Variants in MGRN1 observed in about 807,000 individuals in gnomAD.
MGRN1 encodes the protein E3 ubiquitin-protein ligase MGRN1.
MGRN1 carries 29 observed loss-of-function variants against 69.2 expected under a neutral mutation model. That is an observed-to-expected ratio of 0.42 (90% confidence interval 0.31 to 0.57). MGRN1 has a LOEUF of 0.57. Ranked by LOEUF, MGRN1 falls within the 20% of genes least tolerant of loss-of-function variation. The probability of loss-of-function intolerance (pLI) is 0.15; values close to 1 mark genes in which losing one functional copy is unlikely to be tolerated. For missense variants in MGRN1, 998 were observed against 796.2 expected (o/e 1.25, Z -3.05); for synonymous variants, 470 against 344.2 (o/e 1.37, Z -4.04).
chr16:4,665,672 T>TC (rs1164516361), intron 7 of MGRN1, among the ~76,000 whole-genome samples: 1 of 148,430 alleles, frequency 6.7e-6, no homozygotes, highest in Non-Finnish European at 1.5e-5. Context: ...CCGGCCTTTT[T>TC]TTTTTTTTTT....
intron 2 of MGRN1, chr16:4,651,240 T>C (rs1318817561): frequency 1.3e-5 from 2 of 152,214 alleles, no homozygotes; most frequent in Admixed American, 6.5e-5. Context: ...AGTACTGTCA[T>C]AGTACTCGAG....
intron 13 of MGRN1, 48 bp downstream of exon 13, chr16:4,681,824 C>G: frequency 1.9e-6 from 3 of 1,548,616 alleles, no homozygotes; most frequent in Non-Finnish European, 2.6e-6. Flanking sequence ...TGGTGGCGCG[C>G]GTGCGGAGCG....
intron 11 of MGRN1, among the ~76,000 whole-genome samples, chr16:4,679,523 C>T (rs1262125138): frequency 2.0e-5 from 3 of 152,014 alleles, no homozygotes; most frequent in African/African-American, 7.2e-5. Flanking sequence ...GGTGTTCTCT[C>T]CAGCGAGTGC....
chr16:4,687,807 C>G, intron 16 of MGRN1: 2 of 985,460 alleles, frequency 2.0e-6, no homozygotes, highest in Non-Finnish European at 2.4e-6. Context: ...GGACTTGAGC[C>G]GGGTCAGGGA....
chr16:4,634,216 C>G (rs1427680946), intron 1 of MGRN1: 1 of 152,360 alleles, frequency 6.6e-6, no homozygotes, highest in East Asian at 1.9e-4. Flanking sequence ...CTCTGATTCC[C>G]TGGGCCCCTT....
chr16:4,678,999 C>G (rs2079116429), intron 11 of MGRN1, among the ~76,000 whole-genome samples: 1 of 152,244 alleles, frequency 6.6e-6, no homozygotes, highest in Non-Finnish European at 1.5e-5. Context: ...CTTTTAAAAT[C>G]TGACATGGTC....
At chr16:4,679,498 G>GA (rs1260289049) in intron 11 of MGRN1, among the ~76,000 whole-genome samples, 1 of 142,912 alleles carries the variant, frequency 7.0e-6, no homozygotes, top group Non-Finnish European at 1.5e-5. Context: ...CGTAGTGACA[G>GA]AAAGAGCCAC....
intron 1 of MGRN1, among the ~76,000 whole-genome samples, chr16:4,631,233 C>G (rs1402770016): frequency 6.6e-6 from 1 of 152,172 alleles, no homozygotes; most frequent in Non-Finnish European, 1.5e-5. Flanking sequence ...ATCTTCCCAT[C>G]AAATTGCCTT....
At chr16:4,646,899 T>C (rs2078286065) in intron 1 of MGRN1, among the ~76,000 whole-genome samples, 1 of 151,922 alleles carries the variant, frequency 6.6e-6, no homozygotes, top group Non-Finnish European at 1.5e-5. Context: ...GGCCATGGAG[T>C]GCCCAGTGCC....
At chr16:4,626,508 C>T (rs1258811827) in intron 1 of MGRN1, among the ~76,000 whole-genome samples, 2 of 152,182 alleles carry the variant, frequency 1.3e-5, no homozygotes, top group Non-Finnish European at 1.5e-5. Context: ...CTTATACAGC[C>T]CTCAGAACCA....
chr16:4,685,630 T>C (rs1684588), intron 16 of MGRN1, among the ~76,000 whole-genome samples: 5 of 152,212 alleles, frequency 3.3e-5, no homozygotes, highest in African/African-American at 1.2e-4. Flanking sequence ...TGGGGGCTGT[T>C]TGGCGCCATC....
At position 4,652,754 on chromosome 16, in the gene MGRN1, G is replaced by A. The variant is rs759852368; in HGVS notation, c.373G>A (p.Asp125Asn). The A allele has an allele frequency of 1.9e-6, 3 of 1,612,922 alleles. No homozygotes were observed. The highest frequency in any genetic ancestry group is 2.5e-6 in the Non-Finnish European group (3 of 1,179,534). The change falls in exon 4 of 17, where the codon GAC becomes AAC. Residue 125 changes from aspartate to asparagine, a missense_variant. Coordinates refer to ENST00000262370, the MANE Select transcript of MGRN1 (RefSeq NM_015246.4). Reference sequence around the variant, plus strand: ...GCTCTACAGCCTGGAGTTCACCTTCGACGCCGATGCCCGCGTGGCCATCAC... The same window carrying A: ...GCTCTACAGCCTGGAGTTCACCTTCAACGCCGATGCCCGCGTGGCCATCAC... ...RVLYSLEFTF[D>N]ADARVAITIY...
chr16:4,681,382 C>A, intron 12 of MGRN1, 168 bp from the exon 13 acceptor site: 1 of 622,122 alleles, frequency 1.6e-6, no homozygotes. Context: ...GAGCTGATGG[C>A]TGAGGCAGGG....
chr16:4,639,512 G>A (rs1417564788), intron 1 of MGRN1, among the ~76,000 whole-genome samples: 2 of 152,194 alleles, frequency 1.3e-5, no homozygotes, highest in Non-Finnish European at 2.9e-5. Context: ...AGGTCAGGAG[G>A]AAGCCTGGGC....
chr16:4,630,830 A>AT, intron 1 of MGRN1, among the ~76,000 whole-genome samples: 1 of 103,346 alleles, frequency 9.7e-6, no homozygotes, highest in African/African-American at 3.8e-5. Context: ...TTTTTTTTTA[A>AT]TTTTGAGATA....
At chr16:4,654,027 C>A (rs1005300281) in intron 4 of MGRN1, among the ~76,000 whole-genome samples, 1 of 152,210 alleles carries the variant, frequency 6.6e-6, no homozygotes, top group South Asian at 2.1e-4. Context: ...GCTGAGATTA[C>A]AGCCGTGAGC....
At chr16:4,657,946 G>T (rs1421167407) in intron 5 of MGRN1, among the ~76,000 whole-genome samples, 1 of 151,248 alleles carries the variant, frequency 6.6e-6, no homozygotes, top group African/African-American at 2.4e-5. Context: ...GTTTCACCGT[G>T]TTAGCCAGGA....
chr16:4,687,349 G>C, intron 16 of MGRN1: 1 of 960,738 alleles, frequency 1.0e-6, no homozygotes, highest in Non-Finnish European at 1.2e-6. Flanking sequence ...AGGAATTCAA[G>C]ATCAGTGTAG....
chr16:4,638,483 A>G (rs1157327558), intron 1 of MGRN1, among the ~76,000 whole-genome samples: 6 of 151,416 alleles, frequency 4.0e-5, no homozygotes, highest in African/African-American at 7.4e-5. Flanking sequence ...AAATAAATAA[A>G]TATCTCAGCC....
Sources: allele counts gnomAD v4.1 joint callset (sites outside exome capture counted in the v4.1 genomes callset), GRCh38; gene constraint gnomAD v4.1.1; transcripts MANE v1.5; gene names NCBI Gene and HGNC (gene_info 2026-07-23, HGNC 2026-07-21).